PDGFD: variants seen among roughly 807,000 people sequenced by gnomAD.
The protein encoded by PDGFD is platelet-derived growth factor D.
Under a neutral mutation model 44.7 loss-of-function variants are expected in PDGFD, and 30 were observed. That is an observed-to-expected ratio of 0.67 (90% confidence interval 0.50 to 0.91). The LOEUF is 0.91. Among genes scored for constraint, PDGFD ranks in the 40% least tolerant of loss-of-function variants. The pLI is 0.00. For missense variants in PDGFD, 445 were observed against 457.8 expected, an observed-to-expected ratio of 0.97 and a Z score of 0.25; for synonymous variants, 173 against 168.4, an observed-to-expected ratio of 1.03 and a Z score of -0.21.
At chr11:104,087,830 G>A (rs188520703) in intron 1 of PDGFD, among the ~76,000 whole-genome samples, 167 of 152,266 alleles carry the variant, frequency 1.1e-3, no homozygotes, top group Non-Finnish European at 1.9e-3. Flanking sequence ...AAGGCCTAGA[G>A]CATTTTCATT....
intron 1 of PDGFD, among the ~76,000 whole-genome samples, chr11:104,009,506 CA>C (rs1414834199): frequency 2.0e-5 from 3 of 151,500 alleles, no homozygotes; most frequent in Non-Finnish European, 4.4e-5. Context: ...CTCAAAGAAT[CA>C]AAACACAGTA....
chr11:103,935,692 G>A (rs1038173116), intron 5 of PDGFD, among the ~76,000 whole-genome samples: 13 of 152,172 alleles, frequency 8.5e-5, no homozygotes, highest in African/African-American at 2.9e-4. Flanking sequence ...AGACAGCAGA[G>A]CAATTAATAG....
intron 1 of PDGFD, among the ~76,000 whole-genome samples, chr11:104,158,559 G>A (rs552099344): frequency 1.3e-5 from 2 of 152,370 alleles, no homozygotes; most frequent in South Asian, 2.1e-4. Context: ...AAGGCCGGGC[G>A]CACTGGCTTA....
chr11:104,021,818 G>A (rs1442526558), intron 1 of PDGFD, among the ~76,000 whole-genome samples: 1 of 152,156 alleles, frequency 6.6e-6, no homozygotes, highest in Non-Finnish European at 1.5e-5. Flanking sequence ...CAAAGCTTGG[G>A]TGGAAGAGGG....
At chr11:104,146,795 C>G (rs1452354453) in intron 1 of PDGFD, among the ~76,000 whole-genome samples, 1 of 151,790 alleles carries the variant, frequency 6.6e-6, no homozygotes, top group African/African-American at 2.4e-5. Context: ...TTACTGAGTA[C>G]CTCTATATAT....
At chr11:103,984,749 G>C (rs1254969911) in intron 3 of PDGFD, among the ~76,000 whole-genome samples, 1 of 147,442 alleles carries the variant, frequency 6.8e-6, no homozygotes, top group Non-Finnish European at 1.5e-5. Flanking sequence ...TGGAGAGGAA[G>C]TTCATGTGGC....
chr11:103,929,095 C>T (rs989037161), intron 5 of PDGFD, among the ~76,000 whole-genome samples: 6 of 152,192 alleles, frequency 3.9e-5, no homozygotes, highest in African/African-American at 1.4e-4. Context: ...TCTCTGCTTT[C>T]GTTCAGCCCT....
intron 3 of PDGFD, among the ~76,000 whole-genome samples, chr11:103,959,025 A>ACT (rs777764497): frequency 5.3e-5 from 8 of 152,350 alleles, no homozygotes; most frequent in Non-Finnish European, 8.8e-5. Flanking sequence ...GAAAAAGAGC[A>ACT]CTCATGAAAT....
intron 6 of PDGFD, among the ~76,000 whole-genome samples, chr11:103,913,177 C>T (rs536802974): frequency 0.032 from 2,246 of 70,186 alleles, 49 homozygotes; most frequent in African/African-American, 0.094. Flanking sequence ...GAACTCCCCA[C>T]CCCAAATCAA....
At chr11:104,007,441 A>G (rs1249318652) in intron 1 of PDGFD, among the ~76,000 whole-genome samples, 2 of 152,346 alleles carry the variant, frequency 1.3e-5, no homozygotes, top group East Asian at 3.9e-4. Context: ...TTTTCTTCTC[A>G]TATCATAATA....
chr11:104,134,032 T>A (rs1289255541), intron 1 of PDGFD, among the ~76,000 whole-genome samples: 1 of 152,192 alleles, frequency 6.6e-6, no homozygotes, highest in Non-Finnish European at 1.5e-5. Flanking sequence ...ACTACATGCA[T>A]TTTAGTAGCA....
chr11:103,940,014 T>C (rs998581941), intron 5 of PDGFD, among the ~76,000 whole-genome samples: 1 of 152,130 alleles, frequency 6.6e-6, no homozygotes, highest in South Asian at 2.1e-4. Context: ...TAGACATTAT[T>C]GCGTTGACAT....
rs563478161 is a variant in PDGFD, at chr11:104,064,823, A to G, written c.125-64568T>C. Among the ~76,000 whole-genome samples the G allele has an allele frequency of 2.6e-5, 4 of 152,324 alleles. No homozygotes were observed. In the East Asian group the frequency reaches 7.7e-4, roughly 29 times the overall value. On this transcript the variant is annotated intron_variant, in intron 1 of 6. Transcript: ENST00000393158. The stretch of plus-strand genomic sequence containing the variant: ...CAATATATAAATGTTTATGCTGCAA[A>G]TTAACAATACATAGTTAATACAAAA...
Position 104,119,080 on chromosome 11 carries a change from T to TA in PDGFD, c.124+44723dup, listed in dbSNP as rs1565340481. Among the ~76,000 whole-genome samples, 16 of 34,462 alleles carry TA rather than the reference T, an allele frequency of 4.6e-4. 2 individuals carry two copies. The highest frequency in any genetic ancestry group is 1.3e-3 in the African/African-American group (13 of 10,014). The allele number at this position is 34,462 out of a possible 152,430, so 22.6% of individuals were successfully genotyped here. On this transcript the variant is annotated intron_variant, in intron 1 of 6. Coordinates refer to ENST00000393158, the MANE Select transcript of PDGFD (RefSeq NM_025208.5). ...ATTAATATAATATATTGGTATAATA[T>TA]ATAATATATTGATATAATATATAAT...
intron 3 of PDGFD, among the ~76,000 whole-genome samples, chr11:103,987,785 CCTG>C (rs1222932281): frequency 6.6e-6 from 1 of 152,154 alleles, no homozygotes; most frequent in Admixed American, 6.5e-5. Context: ...CTCTGAAATG[CCTG>C]CTTTTTCAGG....
At chr11:104,115,711 T>C (rs1861626471) in intron 1 of PDGFD, among the ~76,000 whole-genome samples, 1 of 152,030 alleles carries the variant, frequency 6.6e-6, no homozygotes, top group Non-Finnish European at 1.5e-5. Flanking sequence ...TATTTTTGAT[T>C]TTTTTATTAT....
intron 5 of PDGFD, among the ~76,000 whole-genome samples, chr11:103,937,620 G>A (rs1182030599): frequency 1.3e-5 from 2 of 151,690 alleles, no homozygotes; most frequent in Non-Finnish European, 2.9e-5. Flanking sequence ...TGTTACATAT[G>A]TATACATGTG....
At chr11:103,934,101 A>T (rs1359479584) in intron 5 of PDGFD, among the ~76,000 whole-genome samples, 1 of 152,254 alleles carries the variant, frequency 6.6e-6, no homozygotes, top group Non-Finnish European at 1.5e-5. Context: ...CTTTGCAGCC[A>T]ACAAGGCCAA....
intron 1 of PDGFD, among the ~76,000 whole-genome samples, chr11:104,035,213 T>C (rs897264258): frequency 6.6e-6 from 1 of 152,180 alleles, no homozygotes; most frequent in African/African-American, 2.4e-5. Context: ...TTCATTCCCC[T>C]TCAAGGCAAT....
Sources: gnomAD v4.1 joint callset for allele counts (sites outside exome capture counted in the v4.1 genomes callset) on GRCh38, gnomAD v4.1.1 for gene constraint, MANE v1.5 for transcripts, NCBI Gene and HGNC (gene_info 2026-07-23, HGNC 2026-07-21) for gene names.